Variants in IQCM observed in about 807,000 individuals in gnomAD.
The protein encoded by IQCM is IQ domain-containing protein M.
IQCM carries 45 observed loss-of-function variants against 57.6 expected under a neutral mutation model. The observed-to-expected ratio is 0.78, with a 90% CI of 0.62 to 1.00. The LOEUF (loss-of-function observed/expected upper bound fraction) is 1.00, where lower values mean the gene tolerates loss of function less well. Ranked by LOEUF, IQCM falls within the 50% of genes least tolerant of loss-of-function variation. The pLI, the probability that IQCM is intolerant of heterozygous loss-of-function variation, is 0.00. For synonymous variants in IQCM, 148 were observed against 158.9 expected (o/e 0.93, Z 0.51); for missense variants, 468 against 511.6 (o/e 0.91, Z 0.82).
intron 12 of IQCM, among the ~76,000 whole-genome samples, chr4:149,520,851 C>T (rs1402117734): frequency 6.6e-6 from 1 of 152,040 alleles, no homozygotes; most frequent in Non-Finnish European, 1.5e-5. Flanking sequence ...ACCTTGCCTC[C>T]TACTTTGCAG....
chr4:149,738,094 T>C (rs1281767619), intron 3 of IQCM, among the ~76,000 whole-genome samples: 1 of 152,174 alleles, frequency 6.6e-6, no homozygotes, highest in Non-Finnish European at 1.5e-5. Flanking sequence ...AGTCTTCATT[T>C]ATAGGCAAAT....
At position 149,368,821 on chromosome 4, in the gene IQCM, TATATATACATGTATATATATAC is replaced by T. The variant is rs1351970477; in HGVS notation, c.1391-16777_1391-16756del. Among the ~76,000 whole-genome samples, 25 of 98,766 alleles carry T rather than the reference TATATATACATGTATATATATAC, an allele frequency of 2.5e-4. 1 individual carries two copies. The highest frequency in any genetic ancestry group is 9.2e-4 in the African/African-American group (23 of 25,064). 64.8% of individuals were successfully genotyped at this position (98,766 alleles called of 152,430 possible). On this transcript the variant is annotated intron_variant, in intron 13 of 13. Coordinates refer to ENST00000636793, the MANE Select transcript of IQCM (RefSeq NM_001363507.2). ...ATATATATACATGTATATATATACA[TATATATACATGTATATATATAC>T]ATATATATACATGTATATATATACA...
chr4:149,753,549 G>A (rs1167851767), intron 2 of IQCM, among the ~76,000 whole-genome samples: 1 of 151,840 alleles, frequency 6.6e-6, no homozygotes, highest in Non-Finnish European at 1.5e-5. Context: ...GATAGAGAAA[G>A]AAAGATGAAA....
chr4:149,621,347 G>A, intron 7 of IQCM, 103 bp from the exon 8 acceptor site: 1 of 434,262 alleles, frequency 2.3e-6, no homozygotes, highest in Non-Finnish European at 3.9e-6. Context: ...TCATCTTTAT[G>A]GCCTCACTAT....
Position 149,534,438 on chromosome 4 carries a change from T to C in IQCM, c.1228+14017A>G, listed in dbSNP as rs1056840368. The stretch of plus-strand genomic sequence containing the variant: ...ATGCAAATACGCTTGTATGGGTGTA[T>C]CTGTGTTTACTTCAAAAGATGACAA... On this transcript the variant is annotated intron_variant, in intron 12 of 13. Transcript: ENST00000636793. 7.2e-5 allele frequency among the ~76,000 whole-genome samples: 11 copies of C among 152,258 alleles called. No individual in the cohort carries two copies. In the South Asian group the frequency reaches 2.1e-3, roughly 29 times the overall value.
intron 12 of IQCM, among the ~76,000 whole-genome samples, chr4:149,479,947 C>T (rs1740599707): frequency 6.6e-6 from 1 of 152,066 alleles, no homozygotes; most frequent in Non-Finnish European, 1.5e-5. Context: ...AAGATAATAC[C>T]CAGAAAAATT....
intron 12 of IQCM, among the ~76,000 whole-genome samples, chr4:149,473,680 G>A (rs1468685021): frequency 2.6e-5 from 4 of 152,300 alleles, no homozygotes; most frequent in East Asian, 3.9e-4. Flanking sequence ...GCACATGTAC[G>A]TTTATTATGG....
In IQCM at chr4:149,742,676, C is replaced by T. The variant is rs1049887555; in HGVS notation, c.16G>A (p.Ala6Thr). ...TCACATTTTGCTTTTTCAGGCATAG[C>T]CTCTTCAGTAGTCATGAGGGGCAGT... MTTEE[A>T]MPEKAKCPTL... The change falls in exon 3 of 14, where the codon GCT becomes ACT. Residue 6 changes from alanine (A) to threonine (T), a missense_variant. Transcript: ENST00000636793. 5 of 1,231,258 alleles carry T rather than the reference C, an allele frequency of 4.1e-6. No individual in the cohort carries two copies. In the African/African-American group the frequency reaches 4.7e-5, roughly 11 times the overall value. The allele number at this position is 1,231,258 out of a possible 1,614,324, so 76.3% of individuals were successfully genotyped here.
In IQCM at chr4:149,770,472, A is replaced by C. The variant is rs1392746507; in HGVS notation, c.-48-27733T>G. On this transcript the variant is annotated intron_variant, in intron 2 of 13. Coordinates refer to ENST00000636793, the MANE Select transcript of IQCM (RefSeq NM_001363507.2). Reference sequence around the variant, plus strand: ...CAAGTATTAAGGCAAAACCAGAGATACATTACAAGAAAAATAAAACAAAAC... The same window carrying C: ...CAAGTATTAAGGCAAAACCAGAGATCCATTACAAGAAAAATAAAACAAAAC... 5.9e-5 allele frequency among the ~76,000 whole-genome samples: 9 copies of C among 152,194 alleles called. No homozygotes were observed. The East Asian group carries it at 1.7e-3, about 29-fold the overall frequency.
chr4:149,398,660 C>A (rs984156677), intron 13 of IQCM, among the ~76,000 whole-genome samples: 2 of 151,848 alleles, frequency 1.3e-5, no homozygotes, highest in African/African-American at 4.8e-5. Context: ...TTTATTATTG[C>A]ATTGTTTTTT....
chr4:149,486,974 C>G (rs913057604), intron 12 of IQCM, among the ~76,000 whole-genome samples: 2 of 150,728 alleles, frequency 1.3e-5, no homozygotes, highest in African/African-American at 4.8e-5. Flanking sequence ...GTCCCTTTTA[C>G]TTTTCCCTCT....
intron 12 of IQCM, among the ~76,000 whole-genome samples, chr4:149,517,043 C>T (rs1038797911): frequency 7.2e-6 from 1 of 139,054 alleles, no homozygotes; most frequent in African/African-American, 2.7e-5. Flanking sequence ...TGGGAAACTA[C>T]AACATCCAAT....
intron 13 of IQCM, among the ~76,000 whole-genome samples, chr4:149,423,321 C>A (rs557367924): frequency 2.6e-5 from 4 of 152,140 alleles, no homozygotes; most frequent in Admixed American, 1.3e-4. Flanking sequence ...TGAGAACTCA[C>A]ACACCATCAT....
chr4:149,565,834 A>C (rs1750575266), intron 9 of IQCM, among the ~76,000 whole-genome samples: 1 of 152,140 alleles, frequency 6.6e-6, no homozygotes, highest in South Asian at 2.1e-4. Flanking sequence ...AAACGAAATA[A>C]ATTAGCCTTG....
Position 149,442,949 on chromosome 4 carries a change from CACACAGAGAG to C in IQCM, c.1229-9402_1229-9393del, listed in dbSNP as rs759713775. 5.8e-3 allele frequency among the ~76,000 whole-genome samples: 329 copies of C among 56,274 alleles called. 2 individuals are homozygous for C. The highest frequency in any genetic ancestry group is 0.019 in the African/African-American group (262 of 13,854). 36.9% of individuals were successfully genotyped at this position (56,274 alleles called of 152,430 possible). A position where few individuals can be genotyped will look rare whatever the true frequency, so the allele number is the denominator to read the frequency against. ...ATACACACACACACACACACACACA[CACACAGAGAG>C]AGAGAGAGAGAGAGAGAGAGAGAGA... is the stretch of plus-strand genomic sequence containing the variant. On this transcript the variant is annotated intron_variant, in intron 12 of 13. Coordinates refer to ENST00000636793, the MANE Select transcript of IQCM (RefSeq NM_001363507.2).
chr4:149,423,352 C>A (rs1734244516), intron 13 of IQCM, among the ~76,000 whole-genome samples: 1 of 151,960 alleles, frequency 6.6e-6, no homozygotes, highest in African/African-American at 2.4e-5. Context: ...TGGGGGAAAC[C>A]TCCGTGATGA....
At chr4:149,814,226 A>G (rs1408993121) in intron 2 of IQCM, among the ~76,000 whole-genome samples, 1 of 152,052 alleles carries the variant, frequency 6.6e-6, no homozygotes, top group Non-Finnish European at 1.5e-5. Flanking sequence ...AAGACCTTCC[A>G]AGAGGAAATA....
At chr4:149,756,240 A>G (rs1418521470) in intron 2 of IQCM, among the ~76,000 whole-genome samples, 1 of 152,200 alleles carries the variant, frequency 6.6e-6, no homozygotes, top group Non-Finnish European at 1.5e-5. Context: ...AAATCAATAA[A>G]TATTTGAAGA....
At chr4:149,706,664 A>C (rs1279745846) in intron 5 of IQCM, among the ~76,000 whole-genome samples, 3 of 152,030 alleles carry the variant, frequency 2.0e-5, no homozygotes, top group African/African-American at 7.2e-5. Context: ...TGAAGGTAGT[A>C]AGCTTCTACC....
Sources: allele counts gnomAD v4.1 joint callset (sites outside exome capture counted in the v4.1 genomes callset), GRCh38; gene constraint gnomAD v4.1.1; transcripts MANE v1.5; gene names NCBI Gene and HGNC (gene_info 2026-07-23, HGNC 2026-07-21).